Variants in CDKN2B-AS1 observed in about 807,000 individuals in gnomAD.
CDKN2B-AS1 encodes the protein CDKN2B and CDKN2A antisense cis and trans regulatory RNA 1, also known as CDKN2B antisense RNA 1 (non-protein coding).
chr9:22,081,220 G>A (rs987644787), intron 4 of CDKN2B-AS1, among the ~76,000 whole-genome samples: 3 of 149,294 alleles, frequency 2.0e-5, no homozygotes, highest in African/African-American at 7.4e-5. Context: ...TTTTTATGGG[G>A]TTGTGCCCCA....
chr9:22,094,349 A>G (rs1825202513), intron 4 of CDKN2B-AS1, among the ~76,000 whole-genome samples: 1 of 143,614 alleles, frequency 7.0e-6, no homozygotes, highest in Non-Finnish European at 1.5e-5. Context: ...TATTTCCTGA[A>G]TTTGAATGTT....
At chr9:22,097,470 C>CT (rs1825322811) in intron 4 of CDKN2B-AS1, 1 of 152,144 alleles carries the variant, frequency 6.6e-6, no homozygotes, top group East Asian at 1.9e-4. Flanking sequence ...TACATTTTGC[C>CT]AAACCTTTGT....
At chr9:22,086,885 A>G (rs930978722) in intron 4 of CDKN2B-AS1, among the ~76,000 whole-genome samples, 1 of 152,246 alleles carries the variant, frequency 6.6e-6, no homozygotes, top group Admixed American at 6.5e-5. Context: ...TCTGAATAAT[A>G]TTTTTTCCAA....
intron 4 of CDKN2B-AS1, among the ~76,000 whole-genome samples, chr9:22,116,123 C>T (rs1825943441): frequency 2.0e-5 from 3 of 152,208 alleles, no homozygotes; most frequent in African/African-American, 7.2e-5. Flanking sequence ...CAACTTCTTA[C>T]TGTTTTGACA....
intron 4 of CDKN2B-AS1, among the ~76,000 whole-genome samples, chr9:22,109,591 A>T (rs550910268): frequency 3.7e-4 from 56 of 152,244 alleles, no homozygotes; most frequent in Non-Finnish European, 5.9e-4. Flanking sequence ...CAAGTATTTT[A>T]TTGTATGCCC....
chr9:22,052,206 C>T (rs1026651266), intron 3 of CDKN2B-AS1, among the ~76,000 whole-genome samples: 2 of 151,978 alleles, frequency 1.3e-5, no homozygotes, highest in Non-Finnish European at 2.9e-5. Context: ...TTTTCAGTGC[C>T]CTTGGAATTT....
At chr9:22,091,689 G>C (rs1825092249) in intron 4 of CDKN2B-AS1, among the ~76,000 whole-genome samples, 1 of 152,162 alleles carries the variant, frequency 6.6e-6, no homozygotes, top group Admixed American at 6.5e-5. Flanking sequence ...CTGAGACTTT[G>C]CTGAAGTTGC....
At chr9:22,081,305 T>C in intron 4 of CDKN2B-AS1, among the ~76,000 whole-genome samples, 1 of 145,618 alleles carries the variant, frequency 6.9e-6, no homozygotes. Context: ...ACATTATAAC[T>C]AATGAGGCAA....
At chr9:22,018,402 A>G in intron 1 of CDKN2B-AS1, among the ~76,000 whole-genome samples, 1 of 152,114 alleles carries the variant, frequency 6.6e-6, no homozygotes, top group Non-Finnish European at 1.5e-5. Context: ...TCACGCCTGT[A>G]ATCCCAGCAC....
chr9:22,006,293 T>A lies in CDKN2B-AS1; in HGVS notation n.29+11132T>A. ...GTCAGAGCCAGGGTGGGGGCAGGTA[T>A]GGGAGATGCCGGCCGGGGCAAGGCA... is the stretch of plus-strand genomic sequence containing the variant. On this transcript the variant is annotated intron_variant and non_coding_transcript_variant, in intron 1 of 4. Transcript: ENST00000650946. This position sits in a 1 kb window ranked among gnomAD's most constrained non-coding sequence, Gnocchi z 6.4. The A allele has an allele frequency of 6.3e-7, 1 of 1,598,938 alleles. No homozygotes were observed. The highest frequency in any genetic ancestry group is 1.3e-5 in the African/African-American group (1 of 75,022).
chr9:22,026,064 G>T (rs1329836187), intron 1 of CDKN2B-AS1, among the ~76,000 whole-genome samples: 1 of 151,534 alleles, frequency 6.6e-6, no homozygotes, highest in Admixed American at 6.6e-5. Flanking sequence ...TCTACCCAGT[G>T]ATGAGGAACG....
intron 1 of CDKN2B-AS1, among the ~76,000 whole-genome samples, chr9:22,044,361 AC>A (rs1823022606): frequency 6.6e-6 from 1 of 152,002 alleles, no homozygotes; most frequent in African/African-American, 2.4e-5. Context: ...AAGTTATCAA[AC>A]AATTACTCTG....
At chr9:22,016,017 C>T (rs200019243) in intron 1 of CDKN2B-AS1, among the ~76,000 whole-genome samples, 1 of 151,962 alleles carries the variant, frequency 6.6e-6, no homozygotes, top group African/African-American at 2.4e-5. Flanking sequence ...ATGAGTAGGT[C>T]GCGAAAATTT....
chr9:22,033,185 G>A (rs1822547608), intron 1 of CDKN2B-AS1, among the ~76,000 whole-genome samples: 1 of 152,100 alleles, frequency 6.6e-6, no homozygotes, highest in Non-Finnish European at 1.5e-5. Flanking sequence ...ACCTGCAGAA[G>A]AATTGACTTT....
rs960462561 is a variant in CDKN2B-AS1, at chr9:22,094,876, G to C, written n.439-32227G>C. 4.9e-4 allele frequency among the ~76,000 whole-genome samples: 71 copies of C among 144,506 alleles called. 14 individuals are homozygous for C. The highest frequency in any genetic ancestry group is 2.0e-3 in the African/African-American group (71 of 34,656). The allele number at this position is 144,506 out of a possible 152,430, so 94.8% of individuals were successfully genotyped here. A position where few individuals can be genotyped will look rare whatever the true frequency, so the allele number is the denominator to read the frequency against. ...GGTGAGGAGCTGCATTCCTTTGGAG[G>C]AGGAGAGGCACTCTGATTTTTAGAG... On this transcript the variant is annotated intron_variant and non_coding_transcript_variant, in intron 4 of 4. Coordinates refer to ENST00000650946, the Ensembl canonical transcript of CDKN2B-AS1.
chr9:22,053,601 G>A (rs1823441986), intron 3 of CDKN2B-AS1, among the ~76,000 whole-genome samples: 1 of 152,120 alleles, frequency 6.6e-6, no homozygotes, highest in Non-Finnish European at 1.5e-5. Context: ...CGTAGCCAGA[G>A]CTACCTTCCA....
chr9:22,025,264 G>T (rs377347558), intron 1 of CDKN2B-AS1, among the ~76,000 whole-genome samples: 14 of 152,190 alleles, frequency 9.2e-5, no homozygotes, highest in African/African-American at 2.9e-4. Context: ...CGAGCAGCTG[G>T]GGGGTGGGGT....
At chr9:22,124,452 C>A (rs930989540) in intron 4 of CDKN2B-AS1, among the ~76,000 whole-genome samples, 4 of 152,130 alleles carry the variant, frequency 2.6e-5, no homozygotes, top group Non-Finnish European at 2.9e-5. Flanking sequence ...GGCTGTGGGA[C>A]AAGTCAGGGT....
At chr9:22,080,963 T>A (rs971612398) in intron 4 of CDKN2B-AS1, among the ~76,000 whole-genome samples, 1 of 152,240 alleles carries the variant, frequency 6.6e-6, no homozygotes, top group African/African-American at 2.4e-5. Flanking sequence ...AAAAATATCA[T>A]AAAATGTCAG....
Sources: gnomAD v4.1 joint callset for allele counts (sites outside exome capture counted in the v4.1 genomes callset) on GRCh38, gnomAD v4.1.1 for gene constraint, Gnocchi (gnomAD v3.1) non-coding constraint, MANE v1.5 for transcripts, NCBI Gene and HGNC (gene_info 2026-07-23, HGNC 2026-07-21) for gene names.